The following DNM3 variants were observed in gnomAD, a reference collection of about 807,000 sequenced individuals.
The protein encoded by DNM3 is dynamin 3, also known as dynamin-3.
Under a neutral mutation model 101.6 loss-of-function variants are expected in DNM3, and 47 were observed. The ratio of observed to expected loss-of-function variants is 0.46; its 90% CI spans 0.37 to 0.59. The LOEUF (loss-of-function observed/expected upper bound fraction) is 0.59. Among genes scored for constraint, DNM3 ranks in the 20% least tolerant of loss-of-function variants. DNM3 has a pLI of 0.00. For synonymous variants in DNM3, 385 were observed against 387.9 expected, an observed-to-expected ratio of 0.99 and a Z score of 0.09; for missense variants, 849 against 1,085.7, an observed-to-expected ratio of 0.78 and a Z score of 3.06.
chr1:172,381,996 A>G (rs1383015386), intron 18 of DNM3, among the ~76,000 whole-genome samples: 4 of 152,176 alleles, frequency 2.6e-5, no homozygotes, highest in African/African-American at 9.6e-5. Context: ...GCCAACATTC[A>G]TAAAGTTCAG....
intron 17 of DNM3, among the ~76,000 whole-genome samples, chr1:172,349,086 A>G (rs978984675): frequency 2.6e-5 from 4 of 152,174 alleles, no homozygotes; most frequent in African/African-American, 9.6e-5. Flanking sequence ...AGACATGTCC[A>G]GGAATATTAG....
At chr1:172,347,288 T>G (rs2066990333) in intron 17 of DNM3, among the ~76,000 whole-genome samples, 1 of 151,764 alleles carries the variant, frequency 6.6e-6, no homozygotes, top group African/African-American at 2.4e-5. Context: ...GGAAAATGAA[T>G]AGCTTACAAA....
intron 16 of DNM3, among the ~76,000 whole-genome samples, chr1:172,320,637 A>G (rs1405865039): frequency 6.6e-6 from 1 of 152,140 alleles, no homozygotes; most frequent in Admixed American, 6.6e-5. Flanking sequence ...CCAATTAAGT[A>G]TTACTTCCCT....
At chr1:172,256,151 G>A (rs1365605365) in intron 15 of DNM3, among the ~76,000 whole-genome samples, 1 of 152,074 alleles carries the variant, frequency 6.6e-6, no homozygotes, top group Non-Finnish European at 1.5e-5. Flanking sequence ...AAATGAGTTA[G>A]ATTGGCCCAT....
At chr1:171,925,538 C>G (rs947860941) in intron 2 of DNM3, among the ~76,000 whole-genome samples, 1 of 152,136 alleles carries the variant, frequency 6.6e-6, no homozygotes, top group African/African-American at 2.4e-5. Context: ...CCTTTGCCCA[C>G]TTTTTAATGG....
intron 17 of DNM3, among the ~76,000 whole-genome samples, chr1:172,369,313 G>T (rs1220974001): frequency 6.6e-6 from 1 of 151,896 alleles, no homozygotes; most frequent in African/African-American, 2.4e-5. Context: ...TGCAAGGATG[G>T]TTCAACATAT....
At chr1:171,961,433 A>G (rs1342600162) in intron 2 of DNM3, among the ~76,000 whole-genome samples, 6 of 152,338 alleles carry the variant, frequency 3.9e-5, no homozygotes, top group Non-Finnish European at 8.8e-5. Flanking sequence ...GAACTAAAGT[A>G]CAATAGAAAA....
intron 1 of DNM3, among the ~76,000 whole-genome samples, chr1:171,860,801 A>G (rs2034093794): frequency 9.1e-6 from 1 of 109,706 alleles, no homozygotes; most frequent in African/African-American, 4.2e-5. Flanking sequence ...CTGATGGACT[A>G]GATGGGGAAG....
At chr1:172,066,212 T>C (rs936554470) in intron 10 of DNM3, among the ~76,000 whole-genome samples, 6 of 149,190 alleles carry the variant, frequency 4.0e-5, no homozygotes, top group African/African-American at 1.6e-4. Context: ...TGTGTGTGTG[T>C]GCATGTGTGT....
Position 172,026,564 on chromosome 1 carries a change from C to T in DNM3, c.590-5838C>T, listed in dbSNP as rs912519017. Among the ~76,000 whole-genome samples, 10 of 151,914 alleles carry T rather than the reference C, an allele frequency of 6.6e-5. No homozygotes were observed. The East Asian group carries it at 9.7e-4, about 15-fold the overall frequency. On this transcript the variant is annotated intron_variant, in intron 4 of 20. Transcript: ENST00000627582. ...GTTAAGGGTAGCCAGAGAGAAAGAT[C>T]GGGTTACACAGAAAAGAGGCCCATC...
intron 15 of DNM3, among the ~76,000 whole-genome samples, chr1:172,271,310 T>C (rs983068287): frequency 6.6e-6 from 1 of 152,182 alleles, no homozygotes; most frequent in Non-Finnish European, 1.5e-5. Context: ...ATTATATTTA[T>C]TGTTAGAAAT....
chr1:172,092,702 T>C (rs184963010), intron 12 of DNM3, 122 bp from the exon 13 acceptor site: 52 of 987,278 alleles, frequency 5.3e-5, no homozygotes, highest in Non-Finnish European at 7.3e-5. Flanking sequence ...CCTGGAATTT[T>C]GGTATTAGGT....
At chr1:171,959,985 C>T (rs758335171) in intron 2 of DNM3, among the ~76,000 whole-genome samples, 2 of 152,036 alleles carry the variant, frequency 1.3e-5, no homozygotes, top group Non-Finnish European at 2.9e-5. Flanking sequence ...AGTGCCCTCC[C>T]AAAATTCAAG....
At chr1:172,052,102 A>C (rs1320109308) in intron 10 of DNM3, among the ~76,000 whole-genome samples, 1 of 152,112 alleles carries the variant, frequency 6.6e-6, no homozygotes, top group Non-Finnish European at 1.5e-5. Flanking sequence ...CTGACTCATC[A>C]CTTTCATCCT....
At chr1:172,148,774 G>A (rs539965396) in intron 14 of DNM3, among the ~76,000 whole-genome samples, 77 of 151,238 alleles carry the variant, frequency 5.1e-4, no homozygotes, top group African/African-American at 1.8e-3. Flanking sequence ...GTGTAGATTA[G>A]CACTTTTTTT....
chr1:172,357,003 A>T (rs56340136), intron 17 of DNM3, among the ~76,000 whole-genome samples: 21,924 of 152,090 alleles, frequency 0.14, 2,059 homozygotes, highest in Non-Finnish European at 0.2. Context: ...TTTCAGAAAT[A>T]AAATAATGAC....
chr1:171,986,307 A>G (rs2045251677), intron 2 of DNM3, among the ~76,000 whole-genome samples: 1 of 152,026 alleles, frequency 6.6e-6, no homozygotes, highest in Admixed American at 6.5e-5. Context: ...TGCTACCTGC[A>G]TTAATGTTTT....
chr1:171,859,716 G>A (rs1383617096), intron 1 of DNM3, among the ~76,000 whole-genome samples: 2 of 152,134 alleles, frequency 1.3e-5, no homozygotes, highest in Non-Finnish European at 2.9e-5. Flanking sequence ...TTATAAATCA[G>A]TATGGATGCC....
chr1:172,107,954 A>G (rs1250702094), intron 13 of DNM3, among the ~76,000 whole-genome samples: 4 of 152,096 alleles, frequency 2.6e-5, no homozygotes, highest in Non-Finnish European at 4.4e-5. Flanking sequence ...TGTATTATGT[A>G]TTCATAAAAA....
Sources: allele counts gnomAD v4.1 joint callset (sites outside exome capture counted in the v4.1 genomes callset), GRCh38; gene constraint gnomAD v4.1.1; transcripts MANE v1.5; gene names NCBI Gene and HGNC (gene_info 2026-07-23, HGNC 2026-07-21).